MAP3K14: variants seen among roughly 807,000 people sequenced by gnomAD.
The protein encoded by MAP3K14 is mitogen-activated protein kinase kinase kinase 14.
MAP3K14 carries 16 observed loss-of-function variants against 99.2 expected under a neutral mutation model. That is an observed-to-expected ratio of 0.16 (90% CI 0.11 to 0.24). The LOEUF (loss-of-function observed/expected upper bound fraction) is 0.24. MAP3K14 is among the 10% of genes least tolerant of loss of function. MAP3K14 has a pLI of 1.00. For synonymous variants in MAP3K14, 462 were observed against 492.4 expected, an observed-to-expected ratio of 0.94 and a Z score of 0.82; for missense variants, 784 against 1,208.7, an observed-to-expected ratio of 0.65 and a Z score of 5.21.
Position 45,267,602 on chromosome 17 carries a change from G to T in MAP3K14, c.2130C>A (p.Ala710=). 6.2e-7 allele frequency: 1 copy of T among 1,613,084 alleles called. No homozygotes were observed. Among genetic ancestry groups the T allele is most frequent in the Non-Finnish European group, 8.5e-7 (1 of 1,179,630 alleles). ...PRPAEETTGR[A]PKLQPPLPPE... ...GTGGGAGAGGAGGCTGGAGCTTAGG[G>T]GCTCTGCCTGTTGTCTCCTCAGCTG... Residue 710 remains alanine, a synonymous_variant, in exon 12 of 16, where the codon GCC becomes GCA. Transcript: ENST00000344686. This position sits in a 1 kb window ranked among gnomAD's most constrained non-coding sequence, Gnocchi z 5.1.
At position 45,272,700 on chromosome 17, in the gene MAP3K14, G is replaced by A. The variant is rs893850775; in HGVS notation, c.1657+803C>T. On this transcript the variant is annotated intron_variant, in intron 9 of 15. Transcript: ENST00000344686. This position sits in a 1 kb window ranked among gnomAD's most constrained non-coding sequence, Gnocchi z 4.1. ...CATGCCTGTAATTCCAGCACTTTGG[G>A]AGGCTGAGTGGGGCGGATCACCTAA... is the stretch of plus-strand genomic sequence containing the variant. Among the ~76,000 whole-genome samples the A allele has an allele frequency of 9.2e-5, 14 of 152,322 alleles. No homozygotes were observed. Among genetic ancestry groups the A allele is most frequent in the African/African-American group, 3.4e-4 (14 of 41,564 alleles).
intron 1 of MAP3K14, among the ~76,000 whole-genome samples, chr17:45,310,027 C>CT (rs59117060): frequency 0.038 from 3,712 of 98,738 alleles, 166 homozygotes; most frequent in African/African-American, 0.096. Flanking sequence ...AGGAGTCCAT[C>CT]TTTTTTTTTT....
chr17:45,303,772 C>T (rs186690858), intron 1 of MAP3K14, among the ~76,000 whole-genome samples: 16 of 147,344 alleles, frequency 1.1e-4, no homozygotes, highest in East Asian at 5.9e-4. Context: ...TTAGTAGAGA[C>T]GGGGTTTCAC....
At chr17:45,308,513 T>G (rs2143869353) in intron 1 of MAP3K14, among the ~76,000 whole-genome samples, 1 of 152,246 alleles carries the variant, frequency 6.6e-6, no homozygotes, top group South Asian at 2.1e-4. Context: ...GAACTATATT[T>G]TCTTTTTTGA....
intron 6 of MAP3K14, among the ~76,000 whole-genome samples, chr17:45,275,571 G>A (rs2044173658): frequency 1.3e-5 from 2 of 151,452 alleles, no homozygotes; most frequent in African/African-American, 2.4e-5. Context: ...CTGGCACGCT[G>A]TCCGCCCTCA....
rs747262768 is a variant in MAP3K14 at position 45,287,255 on chromosome 17, G to A, written c.436C>T (p.Arg146Trp). The change falls in exon 4 of 16, where the codon CGG (arginine) becomes TGG (tryptophan). Residue 146 changes from arginine (R) to tryptophan (W), a missense_variant. Coordinates refer to ENST00000344686, the MANE Select transcript of MAP3K14 (RefSeq NM_003954.5). ...AGGGACTTTGAGCTCTTCTTCTTCC[G>A]TTTCTTCCGGGCTTTGCTGCGACGC... ...GKRRSKARKK[R>W]KKKSSKSLAH... is the part of the protein sequence containing the mutation. The A allele has an allele frequency of 4.3e-6, 7 of 1,613,870 alleles. No homozygotes were observed. Among genetic ancestry groups the A allele is most frequent in the African/African-American group, 4.0e-5 (3 of 74,918 alleles).
At position 45,309,562 on chromosome 17, in the gene MAP3K14, A is replaced by G. The variant is rs114722606; in HGVS notation, c.-21+7398T>C. On this transcript the variant is annotated intron_variant, in intron 1 of 15. Coordinates refer to ENST00000344686, the MANE Select transcript of MAP3K14 (RefSeq NM_003954.5). ...GGCAAATGTTCCTGAGTGAAAGGAC[A>G]GACACACTTCTGAGGAATAAATGAG... is the stretch of plus-strand genomic sequence containing the variant. Among the ~76,000 whole-genome samples the G allele has an allele frequency of 5.6e-3, 851 of 152,332 alleles. 9 individuals carry two copies. Among genetic ancestry groups the G allele is most frequent in the African/African-American group, 0.019 (809 of 41,582 alleles).
At chr17:45,304,960 C>T (rs960744128) in intron 1 of MAP3K14, among the ~76,000 whole-genome samples, 1 of 152,108 alleles carries the variant, frequency 6.6e-6, no homozygotes, top group Non-Finnish European at 1.5e-5. Context: ...GTTTAAATTA[C>T]ATAGCACAGT....
chr17:45,274,965 G>A (rs370105507), intron 6 of MAP3K14, among the ~76,000 whole-genome samples: 10 of 151,502 alleles, frequency 6.6e-5, no homozygotes, highest in South Asian at 4.2e-4. Context: ...GTGAAACCCC[G>A]TCTCTACTAA....
At chr17:45,307,671 G>A (rs576343706) in intron 1 of MAP3K14, among the ~76,000 whole-genome samples, 3 of 152,332 alleles carry the variant, frequency 2.0e-5, no homozygotes, top group Non-Finnish European at 2.9e-5. Context: ...TCAGAGGTGG[G>A]AGTGGCTTCA....
At chr17:45,294,986 G>A (rs1031994504) in intron 1 of MAP3K14, among the ~76,000 whole-genome samples, 4 of 152,166 alleles carry the variant, frequency 2.6e-5, no homozygotes, top group African/African-American at 9.7e-5. Flanking sequence ...TGATGAGAGC[G>A]GTGTTTTCTC....
intron 6 of MAP3K14, among the ~76,000 whole-genome samples, chr17:45,282,322 T>C (rs1188522125): frequency 6.6e-6 from 1 of 151,802 alleles, no homozygotes; most frequent in Non-Finnish European, 1.5e-5. Context: ...ACACCTGTAA[T>C]CCCAGCACTT....
rs1293125114 is a variant in MAP3K14 at position 45,272,078 on chromosome 17, T to C, written c.1658-857A>G. On this transcript the variant is annotated intron_variant, in intron 9 of 15. Coordinates refer to ENST00000344686, the MANE Select transcript of MAP3K14 (RefSeq NM_003954.5). This position sits in a 1 kb window ranked among gnomAD's most constrained non-coding sequence, Gnocchi z 4.1. ...GGCTCATGCCTGTAATCCCAGCACT[T>C]TGGGAGACTGAGGTGGGAGGAATGC... 6.6e-6 allele frequency among the ~76,000 whole-genome samples: 1 copy of C among 152,068 alleles called. No homozygotes were observed. Among genetic ancestry groups the C allele is most frequent in the Non-Finnish European group, 1.5e-5 (1 of 67,998 alleles).
At chr17:45,269,812 C>T (rs2044128034) in intron 11 of MAP3K14, among the ~76,000 whole-genome samples, 1 of 152,140 alleles carries the variant, frequency 6.6e-6, no homozygotes, top group African/African-American at 2.4e-5. Flanking sequence ...TTGTAATATC[C>T]TTTCTAATAA....
Position 45,289,267 on chromosome 17 carries a change from G to A in MAP3K14, c.295C>T (p.Arg99Cys), listed in dbSNP as rs768000548. ...TGTTTGGACCCAGCGATGAAAATGC[G>A]TTCTGAAAAGGTGGGGCTGAACTCT... ...SQEFSPTFSE[R>C]IFIAGSKQYS... Residue 99 changes from arginine to cysteine, a missense_variant, in exon 3 of 16, where the codon CGC (arginine) becomes TGC (cysteine). Arg to Cys is a radical substitution (Grantham distance 180, BLOSUM62 -3). Around this residue, in one of 5 missense-constraint regions of MAP3K14, gnomAD observed 188 missense variants for 313.0 expected, o/e 0.60. Coordinates refer to ENST00000344686, the MANE Select transcript of MAP3K14 (RefSeq NM_003954.5). 14 of 1,613,964 alleles carry A rather than the reference G, an allele frequency of 8.7e-6. No individual in the cohort carries two copies. Among genetic ancestry groups the A allele is most frequent in the Admixed American group, 6.7e-5 (4 of 60,028 alleles).
At chr17:45,316,311 G>C (rs1182327495) in intron 1 of MAP3K14, among the ~76,000 whole-genome samples, 2 of 152,236 alleles carry the variant, frequency 1.3e-5, no homozygotes. Flanking sequence ...CAAGATGCCA[G>C]GGCCACGATG....
chr17:45,287,250 C>T lies in MAP3K14; in HGVS notation c.441G>A (p.Lys147=). The T allele has an allele frequency of 6.2e-7, 1 of 1,614,044 alleles. No homozygotes were observed. Among genetic ancestry groups the T allele is most frequent in the Non-Finnish European group, 8.5e-7 (1 of 1,179,890 alleles). The change falls in exon 4 of 16, where the codon AAG becomes AAA. Residue 147 remains lysine, a synonymous_variant. Transcript: ENST00000344686. ...GAGCCAGGGACTTTGAGCTCTTCTTCTTCCGTTTCTTCCGGGCTTTGCTGC... is the reference window on the plus strand; with the variant it reads ...GAGCCAGGGACTTTGAGCTCTTCTTTTTCCGTTTCTTCCGGGCTTTGCTGC... The part of the protein sequence containing the change: ...KRRSKARKKR[K]KKSSKSLAHA...
At chr17:45,312,334 C>A (rs1230722346) in intron 1 of MAP3K14, among the ~76,000 whole-genome samples, 1 of 152,088 alleles carries the variant, frequency 6.6e-6, no homozygotes, top group African/African-American at 2.4e-5. Context: ...CTGCTGGTTT[C>A]ATTTTCATCT....
At chr17:45,292,303 G>A (rs1252166020) in intron 1 of MAP3K14, among the ~76,000 whole-genome samples, 1 of 152,200 alleles carries the variant, frequency 6.6e-6, no homozygotes, top group Non-Finnish European at 1.5e-5. Context: ...GGTGGCCCAT[G>A]CCTGTAATCC....
Sources: gnomAD v4.1 joint callset for allele counts (sites outside exome capture counted in the v4.1 genomes callset) on GRCh38, gnomAD v4.1.1 for gene constraint, gnomAD v4.1.1 regional missense constraint, Gnocchi (gnomAD v3.1) non-coding constraint, MANE v1.5 for transcripts, NCBI Gene and HGNC (gene_info 2026-07-23, HGNC 2026-07-21) for gene names.